The following FHIT variants were observed in gnomAD, a reference collection of about 807,000 sequenced individuals.
FHIT encodes fragile histidine triad diadenosine triphosphatase, also known as bis(5'-adenosyl)-triphosphatase.
FHIT carries 19 observed loss-of-function variants against 17.9 expected under a neutral mutation model. That is an observed-to-expected ratio of 1.06 (90% CI 0.74 to 1.56). The LOEUF (loss-of-function observed/expected upper bound fraction) is 1.56, where lower values mean the gene tolerates loss of function less well. Among genes scored for constraint, FHIT ranks in the 40% most tolerant of loss-of-function variants. FHIT has a pLI of 0.00. For synonymous variants in FHIT, 81 were observed against 69.7 expected (o/e 1.16, Z -0.81); for missense variants, 248 against 189.2 (o/e 1.31, Z -1.82).
intron 5 of FHIT, among the ~76,000 whole-genome samples, chr3:60,187,951 G>T (rs1235000844): frequency 3.9e-5 from 6 of 152,070 alleles, no homozygotes; most frequent in Admixed American, 3.9e-4. Context: ...TAGGATGAAT[G>T]GTTATTAGAT....
At position 60,697,640 on chromosome 3, in the gene FHIT, G is replaced by A. The variant is rs533987501; in HGVS notation, c.-18+124279C>T. Among the ~76,000 whole-genome samples the A allele has an allele frequency of 7.9e-5, 12 of 152,132 alleles. No homozygotes were observed. In the South Asian group the frequency reaches 2.5e-3, roughly 32 times the overall value. ...ATAATATATATATTTTAAAAGACAG[G>A]AAAATAAACCACAGATAAAATGCAT... On this transcript the variant is annotated intron_variant, in intron 4 of 9. Coordinates refer to ENST00000492590, the MANE Select transcript of FHIT (RefSeq NM_002012.4).
At chr3:60,573,497 C>G (rs1397983830) in intron 4 of FHIT, among the ~76,000 whole-genome samples, 3 of 152,152 alleles carry the variant, frequency 2.0e-5, no homozygotes, top group Non-Finnish European at 4.4e-5. Context: ...GGACTTTCAT[C>G]CCTTCCCAAC....
intron 5 of FHIT, among the ~76,000 whole-genome samples, chr3:60,253,334 C>T (rs965908332): frequency 6.6e-6 from 1 of 152,168 alleles, no homozygotes; most frequent in Admixed American, 6.5e-5. Context: ...GGAAAGTATT[C>T]TGGCATGTTT....
At chr3:61,065,752 C>CAA (rs1185270423) in intron 2 of FHIT, among the ~76,000 whole-genome samples, 83 of 134,804 alleles carry the variant, frequency 6.2e-4, no homozygotes, top group African/African-American at 1.7e-3. Context: ...CCTCCCACCT[C>CAA]AAAAAAAAAA....
intron 4 of FHIT, among the ~76,000 whole-genome samples, chr3:60,543,907 C>CTTTTTGTTTTTTTT (rs2036270483): frequency 1.9e-5 from 1 of 52,076 alleles, no homozygotes; most frequent in Non-Finnish European, 3.0e-5. Flanking sequence ...CCACGCCCGG[C>CTTTTTGTTTTTTTT]TTTTTTTTTT....
intron 2 of FHIT, among the ~76,000 whole-genome samples, chr3:61,080,391 G>A (rs2035098318): frequency 6.6e-6 from 1 of 151,986 alleles, no homozygotes; most frequent in South Asian, 2.1e-4. Context: ...AGAGCATAAT[G>A]TAATTCTTTT....
At chr3:60,245,188 C>A (rs996303048) in intron 5 of FHIT, among the ~76,000 whole-genome samples, 1 of 152,028 alleles carries the variant, frequency 6.6e-6, no homozygotes, top group Non-Finnish European at 1.5e-5. Flanking sequence ...CACAATAAAT[C>A]AGTACTGAAA....
intron 8 of FHIT, among the ~76,000 whole-genome samples, chr3:59,838,459 T>C (rs1194225704): frequency 2.0e-5 from 3 of 152,208 alleles, no homozygotes; most frequent in African/African-American, 4.8e-5. Flanking sequence ...ATGTCGTTCC[T>C]AGCCTCTGCA....
At chr3:59,899,922 C>T (rs137924763) in intron 8 of FHIT, among the ~76,000 whole-genome samples, 1,575 of 152,266 alleles carry the variant, frequency 0.01, 38 homozygotes, top group African/African-American at 0.036. Flanking sequence ...CAAACGTTTT[C>T]TATAAAGGTC....
intron 8 of FHIT, among the ~76,000 whole-genome samples, chr3:59,763,205 T>G (rs191005626): frequency 7.2e-5 from 11 of 152,362 alleles, no homozygotes; most frequent in Admixed American, 7.2e-4. Flanking sequence ...TATTTGCTTC[T>G]GCTACATATG....
chr3:59,897,256 ATTAAC>A (rs1704112235), intron 8 of FHIT, among the ~76,000 whole-genome samples: 1 of 152,236 alleles, frequency 6.6e-6, no homozygotes, highest in Admixed American at 6.5e-5. Flanking sequence ...TTTAATGTTA[ATTAAC>A]TTAAATTTAG....
intron 3 of FHIT, among the ~76,000 whole-genome samples, chr3:60,979,917 C>T (rs1195508052): frequency 6.6e-6 from 1 of 152,178 alleles, no homozygotes; most frequent in African/African-American, 2.4e-5. Flanking sequence ...ATGATATTGC[C>T]ATGTTGTTGC....
intron 5 of FHIT, among the ~76,000 whole-genome samples, chr3:60,142,754 C>G (rs1700094994): frequency 6.6e-6 from 1 of 151,474 alleles, no homozygotes; most frequent in African/African-American, 2.4e-5. Flanking sequence ...AAACTCCTGG[C>G]CTCAAATGAT....
At chr3:59,920,812 C>T (rs1705364739) in intron 8 of FHIT, among the ~76,000 whole-genome samples, 1 of 152,152 alleles carries the variant, frequency 6.6e-6, no homozygotes, top group Non-Finnish European at 1.5e-5. Flanking sequence ...GAACTAAGCC[C>T]TTATCAATCC....
At chr3:59,981,319 T>A (rs961520737) in intron 7 of FHIT, among the ~76,000 whole-genome samples, 1 of 152,164 alleles carries the variant, frequency 6.6e-6, no homozygotes, top group Non-Finnish European at 1.5e-5. Flanking sequence ...CTGAACGCTG[T>A]CCTGTCTTGT....
At chr3:60,124,009 T>TATATATATAG (rs1384962194) in intron 5 of FHIT, among the ~76,000 whole-genome samples, 2 of 12,156 alleles carry the variant, frequency 1.6e-4, no homozygotes, top group Non-Finnish European at 2.9e-4. Context: ...TATATATATA[T>TATATATATAG]AGAGAGAGAG....
chr3:60,074,361 T>C (rs1039159720), intron 5 of FHIT, among the ~76,000 whole-genome samples: 1 of 152,116 alleles, frequency 6.6e-6, no homozygotes, highest in Non-Finnish European at 1.5e-5. Context: ...CCTCTACTTC[T>C]ATGGTATTAC....
chr3:60,756,238 C>A (rs1462462175), intron 4 of FHIT, among the ~76,000 whole-genome samples: 4 of 152,202 alleles, frequency 2.6e-5, no homozygotes, highest in South Asian at 2.1e-4. Context: ...CATACCCACA[C>A]CTTTTTGTCA....
intron 7 of FHIT, among the ~76,000 whole-genome samples, chr3:59,992,318 C>T (rs1307230003): frequency 6.6e-6 from 1 of 152,028 alleles, no homozygotes; most frequent in Non-Finnish European, 1.5e-5. Context: ...TGGCGTAGTA[C>T]ATTTAAGAAT....
Sources: gnomAD v4.1 joint callset for allele counts (sites outside exome capture counted in the v4.1 genomes callset) on GRCh38, gnomAD v4.1.1 for gene constraint, MANE v1.5 for transcripts, NCBI Gene and HGNC (gene_info 2026-07-23, HGNC 2026-07-21) for gene names.